The following UBXN4 variants were observed in gnomAD, a reference collection of about 807,000 sequenced individuals.
UBXN4 encodes UBX domain-containing protein 4.
UBXN4 carries 35 observed loss-of-function variants against 66.2 expected under a neutral mutation model. The ratio of observed to expected loss-of-function variants is 0.53; its 90% CI spans 0.40 to 0.70. The LOEUF is 0.70. Among genes scored for constraint, UBXN4 ranks in the 30% least tolerant of loss-of-function variants. UBXN4 has a pLI of 0.00. For missense variants in UBXN4, 533 were observed against 599.8 expected (o/e 0.89, Z 1.16); for synonymous variants, 203 against 204.5 (o/e 0.99, Z 0.06).
At chr2:135,756,366 G>A (rs1386412537) in intron 5 of UBXN4, among the ~76,000 whole-genome samples, 1 of 152,174 alleles carries the variant, frequency 6.6e-6, no homozygotes, top group Non-Finnish European at 1.5e-5. Flanking sequence ...ATGATGGGAA[G>A]CTCATTACCT....
rs529844106 is a variant in UBXN4, at chr2:135,783,830, T to C, written c.*943T>C. 1.5e-4 allele frequency: 23 copies of C among 152,354 alleles called. No individual in the cohort carries two copies. Among genetic ancestry groups the C allele is most frequent in the African/African-American group, 5.5e-4 (23 of 41,578 alleles). The allele number at this position is 152,354 out of a possible 1,614,324, so 9.4% of individuals were successfully genotyped here. Reference sequence around the variant, plus strand: ...TAGTCATTTGGTTTTTCTTAAAAAGTTGAGATTCTTAATCTGACTTACATG... The same window carrying C: ...TAGTCATTTGGTTTTTCTTAAAAAGCTGAGATTCTTAATCTGACTTACATG... On this transcript the variant is annotated 3_prime_UTR_variant, in exon 13 of 13. Coordinates refer to ENST00000272638, the MANE Select transcript of UBXN4 (RefSeq NM_014607.4).
chr2:135,782,733 C>G lies in UBXN4; in HGVS notation c.1389-16C>G, dbSNP rs765965087. On this transcript the variant is annotated splice_polypyrimidine_tract_variant and intron_variant, in intron 12 of 12. Transcript: ENST00000272638. Reference sequence around the variant, plus strand: ...TTTTATGACATCTTCCCCTTGCTCCCTCTTTTTCGTATCAGGGAACCAGTG... The same window carrying G: ...TTTTATGACATCTTCCCCTTGCTCCGTCTTTTTCGTATCAGGGAACCAGTG... 1.2e-6 allele frequency: 2 copies of G among 1,609,560 alleles called. No homozygotes were observed. The highest frequency in any genetic ancestry group is 1.7e-6 in the Non-Finnish European group (2 of 1,178,620).
chr2:135,769,242 C>G (rs1034777871), intron 6 of UBXN4, among the ~76,000 whole-genome samples: 5 of 151,852 alleles, frequency 3.3e-5, no homozygotes, highest in Non-Finnish European at 7.4e-5. Flanking sequence ...GATCCACCAA[C>G]CTCAGCCCTC....
intron 1 of UBXN4, among the ~76,000 whole-genome samples, chr2:135,744,048 C>T (rs1444186145): frequency 6.6e-6 from 1 of 152,140 alleles, no homozygotes; most frequent in East Asian, 1.9e-4. Flanking sequence ...AGTTAATCCC[C>T]AAGACTAAGT....
At chr2:135,776,802 C>T (rs764535906) in intron 10 of UBXN4, among the ~76,000 whole-genome samples, 6 of 152,176 alleles carry the variant, frequency 3.9e-5, no homozygotes, top group African/African-American at 1.2e-4. Flanking sequence ...ACCATGTAGC[C>T]GGGCTGGTCT....
At chr2:135,760,430 CA>C (rs1006129151) in intron 5 of UBXN4, among the ~76,000 whole-genome samples, 29 of 143,892 alleles carry the variant, frequency 2.0e-4, no homozygotes, top group Middle Eastern at 3.6e-3. Context: ...GACCATGTCT[CA>C]AAAAAAAAAA....
intron 12 of UBXN4, 71 bp downstream of exon 12, chr2:135,780,456 T>A: frequency 1.4e-6 from 2 of 1,477,190 alleles, no homozygotes; most frequent in Non-Finnish European, 1.9e-6. Context: ...AGTAAAAAGT[T>A]GAGTACTTTG....
rs752000979 is a variant in UBXN4, at chr2:135,780,359, T to C, written c.1362T>C (p.Pro454=). Residue 454 remains proline, a synonymous_variant, in exon 12 of 13, where the codon CCT becomes CCC. Transcript: ENST00000272638. Reference sequence around the variant, plus strand: ...TAACATCGTCAGAACCCCCAAACCCTGCATCATCTAGCAAATCAGAAAAAA... The same window carrying C: ...TAACATCGTCAGAACCCCCAAACCCCGCATCATCTAGCAAATCAGAAAAAA... The part of the protein sequence containing the change: ...VRVTSSEPPN[P]ASSSKSEKRE... The C allele has an allele frequency of 2.5e-6, 4 of 1,614,158 alleles. No homozygotes were observed. The highest frequency in any genetic ancestry group is 3.4e-6 in the Non-Finnish European group (4 of 1,180,002).
chr2:135,773,546 C>G (rs2077395570), intron 9 of UBXN4, among the ~76,000 whole-genome samples: 3 of 152,132 alleles, frequency 2.0e-5, no homozygotes, highest in Admixed American at 1.3e-4. Flanking sequence ...GTGACATGCC[C>G]AATCTTGTGG....
chr2:135,745,888 T>TTTTTTTTTTTTTG (rs2077204720), intron 1 of UBXN4, among the ~76,000 whole-genome samples: 1 of 128,324 alleles, frequency 7.8e-6, no homozygotes, highest in Non-Finnish European at 1.7e-5. Context: ...TTTTTTTTTT[T>TTTTTTTTTTTTTG]TTTTTTTTGA....
chr2:135,774,401 T>A (rs1166981652), intron 9 of UBXN4, among the ~76,000 whole-genome samples: 2 of 152,054 alleles, frequency 1.3e-5, no homozygotes, highest in African/African-American at 4.8e-5. Flanking sequence ...TATATATTCT[T>A]AGAGGAAAAA....
intron 4 of UBXN4, among the ~76,000 whole-genome samples, chr2:135,754,732 G>T (rs1206395340): frequency 6.6e-6 from 1 of 152,174 alleles, no homozygotes; most frequent in African/African-American, 2.4e-5. Flanking sequence ...TAAATAGCAT[G>T]AAGTTACAGG....
chr2:135,756,312 C>T (rs2105496622), intron 5 of UBXN4, among the ~76,000 whole-genome samples: 1 of 152,272 alleles, frequency 6.6e-6, no homozygotes, highest in East Asian at 1.9e-4. Flanking sequence ...TCTACTCCAG[C>T]ATCCCACACA....
chr2:135,747,013 A>T (rs901667518), intron 1 of UBXN4, among the ~76,000 whole-genome samples: 12 of 152,160 alleles, frequency 7.9e-5, no homozygotes, highest in African/African-American at 2.7e-4. Context: ...AAGTGGTAAG[A>T]AAGTTACATT....
At chr2:135,758,178 G>A (rs1014842724) in intron 5 of UBXN4, among the ~76,000 whole-genome samples, 11 of 151,616 alleles carry the variant, frequency 7.3e-5, no homozygotes, top group African/African-American at 2.2e-4. Flanking sequence ...AGGTTCAAGC[G>A]ATTCTCCTGC....
In UBXN4 at chr2:135,757,357, T is replaced by C. The variant is rs528428618; in HGVS notation, c.508+1666T>C. 2.6e-5 allele frequency among the ~76,000 whole-genome samples: 4 copies of C among 152,350 alleles called. No homozygotes were observed. In the East Asian group the frequency reaches 7.7e-4, roughly 29 times the overall value. On this transcript the variant is annotated intron_variant, in intron 5 of 12. Coordinates refer to ENST00000272638, the MANE Select transcript of UBXN4 (RefSeq NM_014607.4). The stretch of plus-strand genomic sequence containing the variant: ...AGGATTTCTATTTCTTTCTCTCTTA[T>C]TATAACTTTTTATTTTGAAATAGTT...
intron 6 of UBXN4, among the ~76,000 whole-genome samples, chr2:135,762,408 G>A (rs1385877774): frequency 6.6e-6 from 1 of 152,130 alleles, no homozygotes; most frequent in African/African-American, 2.4e-5. Context: ...CTTTTATGCT[G>A]TGATTCCTAC....
At chr2:135,765,106 G>A (rs371300842) in intron 6 of UBXN4, among the ~76,000 whole-genome samples, 34 of 151,984 alleles carry the variant, frequency 2.2e-4, no homozygotes, top group South Asian at 2.1e-3. Flanking sequence ...GAGCCACCAC[G>A]TCTGGCCAGG....
intron 1 of UBXN4, chr2:135,747,761 T>C (rs1489715044): frequency 1.8e-5 from 8 of 447,220 alleles, no homozygotes; most frequent in Non-Finnish European, 3.6e-5. Context: ...CAGCCTCCTA[T>C]GTAGGTGGGA....
Sources: allele counts gnomAD v4.1 joint callset (sites outside exome capture counted in the v4.1 genomes callset), GRCh38; gene constraint gnomAD v4.1.1; transcripts MANE v1.5; gene names NCBI Gene and HGNC (gene_info 2026-07-23, HGNC 2026-07-21).